LINGO2: variants seen among roughly 807,000 people sequenced by gnomAD.
LINGO2 encodes the protein leucine-rich repeat and immunoglobulin-like domain-containing nogo receptor-interacting protein 2.
Under a neutral mutation model 30.6 loss-of-function variants are expected in LINGO2, and 14 were observed. The ratio of observed to expected loss-of-function variants is 0.46; its 90% CI spans 0.30 to 0.72. The LOEUF is 0.72. Ranked by LOEUF, LINGO2 falls within the 30% of genes least tolerant of loss-of-function variation. LINGO2 has a pLI of 0.07. For missense variants in LINGO2, 729 were observed against 751.7 expected, an observed-to-expected ratio of 0.97 and a Z score of 0.35; for synonymous variants, 317 against 288.5, an observed-to-expected ratio of 1.10 and a Z score of -1.00.
the LINGO2 span, among the ~76,000 whole-genome samples, chr9:28,765,157 A>G: frequency 6.6e-6 from 1 of 152,094 alleles, no homozygotes; most frequent in African/African-American, 2.4e-5. Context: ...TAAAATGCAT[A>G]TAGAATCACA....
At chr9:28,759,984 A>G in the LINGO2 span, among the ~76,000 whole-genome samples, 1 of 152,198 alleles carries the variant, frequency 6.6e-6, no homozygotes, top group South Asian at 2.1e-4. Flanking sequence ...AGAGTGTGTC[A>G]TGTGCTAGGT....
chr9:28,375,173 C>T (rs1296885494), intron 2 of LINGO2, among the ~76,000 whole-genome samples: 1 of 151,720 alleles, frequency 6.6e-6, no homozygotes, highest in East Asian at 1.9e-4. Context: ...CCTTTGGCAG[C>T]ATCCATCTGC....
chr9:28,991,617 A>G, the LINGO2 span, among the ~76,000 whole-genome samples: 1 of 147,656 alleles, frequency 6.8e-6, no homozygotes, highest in Non-Finnish European at 1.5e-5. Flanking sequence ...GCCAGAGAGA[A>G]AGGTCGGGTT....
At chr9:28,154,850 A>T (rs1034218525) in intron 4 of LINGO2, among the ~76,000 whole-genome samples, 2 of 152,074 alleles carry the variant, frequency 1.3e-5, no homozygotes, top group African/African-American at 4.8e-5. Flanking sequence ...TCTTTTAAAA[A>T]CTCAAACTAG....
At chr9:29,036,912 A>C in the LINGO2 span, among the ~76,000 whole-genome samples, 1 of 152,024 alleles carries the variant, frequency 6.6e-6, no homozygotes, top group Non-Finnish European at 1.5e-5. Flanking sequence ...AATGAAATTT[A>C]TTAATTGAAA....
intron 1 of LINGO2, among the ~76,000 whole-genome samples, chr9:28,588,025 T>C (rs917169579): frequency 2.6e-5 from 4 of 152,024 alleles, no homozygotes; most frequent in African/African-American, 9.7e-5. Context: ...ATAACTTCTC[T>C]GAGGTCACAT....
chr9:28,442,178 G>C (rs1185917031), intron 2 of LINGO2, among the ~76,000 whole-genome samples: 2 of 150,942 alleles, frequency 1.3e-5, no homozygotes, highest in Non-Finnish European at 3.0e-5. Flanking sequence ...TTGTCAGCTG[G>C]TCAGCTTACT....
At position 28,143,691 on chromosome 9, in the gene LINGO2, C is replaced by G. The variant is rs544114347; in HGVS notation, c.-86-131286G>C. The stretch of plus-strand genomic sequence containing the variant: ...GGGAAAAGAGGTGTTTAACATAGAA[C>G]AAACATGTATAAATAGAAGACCTGG... On this transcript the variant is annotated intron_variant, in intron 4 of 5. Transcript: ENST00000379992. Among the ~76,000 whole-genome samples the G allele has an allele frequency of 2.0e-5, 3 of 150,876 alleles. No homozygotes were observed. In the East Asian group the frequency reaches 5.8e-4, roughly 29 times the overall value.
At chr9:28,539,018 TC>T (rs1329852394) in intron 1 of LINGO2, among the ~76,000 whole-genome samples, 1 of 152,000 alleles carries the variant, frequency 6.6e-6, no homozygotes, top group Admixed American at 6.6e-5. Flanking sequence ...CTGTTTAAGC[TC>T]AGAGATTTTT....
At chr9:28,886,775 T>C in the LINGO2 span, among the ~76,000 whole-genome samples, 2 of 152,172 alleles carry the variant, frequency 1.3e-5, no homozygotes, top group South Asian at 2.1e-4. Flanking sequence ...ACTAAAACTT[T>C]GCTTTTATGA....
the LINGO2 span, among the ~76,000 whole-genome samples, chr9:28,705,286 T>C: frequency 6.6e-6 from 1 of 152,062 alleles, no homozygotes; most frequent in African/African-American, 2.4e-5. Flanking sequence ...AATAGGCCTT[T>C]AGCATGTGGT....
rs866649007 is a variant in LINGO2, at chr9:28,433,968, C to T, written c.-279+41972G>A. 2.6e-3 allele frequency among the ~76,000 whole-genome samples: 254 copies of T among 99,316 alleles called. 3 individuals are homozygous for T. Among genetic ancestry groups the T allele is most frequent in the Admixed American group, 8.8e-3 (80 of 9,084 alleles). 65.2% of individuals were successfully genotyped at this position (99,316 alleles called of 152,430 possible). A position where few individuals can be genotyped will look rare whatever the true frequency, so the allele number is the denominator to read the frequency against. ...CTCTCTCTATATATATATATATATACACACACACACATGAAAATACTACTA... is the reference window on the plus strand; with the variant it reads ...CTCTCTCTATATATATATATATATATACACACACACATGAAAATACTACTA... On this transcript the variant is annotated intron_variant, in intron 2 of 5. Transcript: ENST00000379992.
At chr9:28,854,470 T>A in the LINGO2 span, among the ~76,000 whole-genome samples, 2 of 152,000 alleles carry the variant, frequency 1.3e-5, no homozygotes, top group African/African-American at 4.8e-5. Context: ...GGGCTATTTG[T>A]AGATGAGCTT....
At chr9:29,049,853 TAGAA>T in the LINGO2 span, among the ~76,000 whole-genome samples, 6 of 151,922 alleles carry the variant, frequency 3.9e-5, no homozygotes, top group African/African-American at 1.2e-4. Context: ...ACAAAAAACA[TAGAA>T]AGAATAAATA....
intron 3 of LINGO2, among the ~76,000 whole-genome samples, chr9:28,342,016 T>C (rs12347591): frequency 0.21 from 32,088 of 151,926 alleles, 4,229 homozygotes; most frequent in East Asian, 0.5. Context: ...TAATTCCAAA[T>C]ACCAAAAAAA....
Position 28,205,625 on chromosome 9 carries a change from G to A in LINGO2, c.-87+89583C>T, listed in dbSNP as rs530869033. On this transcript the variant is annotated intron_variant, in intron 4 of 5. Transcript: ENST00000379992. ...ATTAGTGAAAATTCTTCAACTAAAAGAGAAACAAAGAAGAAAACATGGCAG... is the reference window on the plus strand; with the variant it reads ...ATTAGTGAAAATTCTTCAACTAAAAAAGAAACAAAGAAGAAAACATGGCAG... 2.0e-5 allele frequency among the ~76,000 whole-genome samples: 3 copies of A among 152,198 alleles called. No homozygotes were observed. In the South Asian group the frequency reaches 6.2e-4, roughly 32 times the overall value.
At chr9:28,076,073 T>A (rs926976290) in intron 4 of LINGO2, among the ~76,000 whole-genome samples, 2 of 152,082 alleles carry the variant, frequency 1.3e-5, no homozygotes, top group African/African-American at 4.8e-5. Flanking sequence ...GCTATTTGTC[T>A]ATTCCTGCAG....
the LINGO2 span, among the ~76,000 whole-genome samples, chr9:28,779,172 G>T: frequency 6.6e-5 from 10 of 152,078 alleles, no homozygotes; most frequent in Non-Finnish European, 1.5e-4. Context: ...CCTTTCAATC[G>T]TTTTTAAAAT....
chr9:28,857,801 A>G, the LINGO2 span, among the ~76,000 whole-genome samples: 1 of 152,108 alleles, frequency 6.6e-6, no homozygotes, highest in Non-Finnish European at 1.5e-5. Context: ...ATGTAAAAAT[A>G]TTAACATTTT....
Sources: gnomAD v4.1 joint callset for allele counts (sites outside exome capture counted in the v4.1 genomes callset) on GRCh38, gnomAD v4.1.1 for gene constraint, MANE v1.5 for transcripts, NCBI Gene and HGNC (gene_info 2026-07-23, HGNC 2026-07-21) for gene names.